CRYZL1: variants seen among roughly 807,000 people sequenced by gnomAD.
The protein encoded by CRYZL1 is ferry endosomal RAB5 effector complex subunit 4.
Under a neutral mutation model 50.6 loss-of-function variants are expected in CRYZL1, and 34 were observed. That is an observed-to-expected ratio of 0.67 (90% CI 0.51 to 0.89). The LOEUF is 0.89. Among genes scored for constraint, CRYZL1 ranks in the 40% least tolerant of loss-of-function variants. The probability of loss-of-function intolerance (pLI) is 0.00; values close to 1 mark genes in which losing one functional copy is unlikely to be tolerated. For synonymous variants in CRYZL1, 125 were observed against 134.3 expected (o/e 0.93, Z 0.48); for missense variants, 354 against 402.3 (o/e 0.88, Z 1.03).
intron 4 of CRYZL1, among the ~76,000 whole-genome samples, chr21:33,620,882 G>A (rs193257687): frequency 5.7e-4 from 84 of 147,338 alleles, no homozygotes; most frequent in Non-Finnish European, 1.1e-3. Context: ...TCGTGTACCC[G>A]TAGACCAGGG....
At chr21:33,590,097 A>G (rs1367264894) in intron 12 of CRYZL1, among the ~76,000 whole-genome samples, 176 bp from the exon 13 acceptor site, 2 of 152,218 alleles carry the variant, frequency 1.3e-5, no homozygotes, top group Non-Finnish European at 2.9e-5. Context: ...AGCTCACTGC[A>G]ACCTCCGGCT....
chr21:33,609,459 C>G (rs2086847393), intron 6 of CRYZL1, among the ~76,000 whole-genome samples: 1 of 152,000 alleles, frequency 6.6e-6, no homozygotes, highest in Non-Finnish European at 1.5e-5. Flanking sequence ...ACCACCATAT[C>G]TAGTTATTAT....
chr21:33,631,097 A>G (rs1057017719), intron 2 of CRYZL1, among the ~76,000 whole-genome samples: 3 of 152,228 alleles, frequency 2.0e-5, no homozygotes, highest in Admixed American at 1.3e-4. Context: ...CAAGGTGACT[A>G]TAGTTAACAA....
intron 6 of CRYZL1, among the ~76,000 whole-genome samples, chr21:33,605,515 C>T (rs974288016): frequency 1.3e-3 from 56 of 44,338 alleles, no homozygotes; most frequent in South Asian, 0.011. Flanking sequence ...GTAATTTTTC[C>T]GCAGTACAAG....
Position 33,615,922 on chromosome 21 carries a change from C to G in CRYZL1, c.262+784G>C, listed in dbSNP as rs144504585. Reference sequence around the variant, plus strand: ...TCTTTTTATCTATAAAACTGTTCTACAGCTAAATATATATATTTTTTATTA... The same window carrying G: ...TCTTTTTATCTATAAAACTGTTCTAGAGCTAAATATATATATTTTTTATTA... On this transcript the variant is annotated intron_variant, in intron 5 of 12. Coordinates refer to ENST00000381554, the MANE Select transcript of CRYZL1 (RefSeq NM_145858.3). Among the ~76,000 whole-genome samples the G allele has an allele frequency of 1.1e-3, 174 of 152,282 alleles. 4 individuals are homozygous for G. The highest frequency in any genetic ancestry group is 3.1e-4 in the Non-Finnish European group (21 of 68,020).
intron 6 of CRYZL1, among the ~76,000 whole-genome samples, chr21:33,612,618 C>A (rs994751410): frequency 1.1e-4 from 16 of 152,114 alleles, no homozygotes; most frequent in African/African-American, 3.6e-4. Flanking sequence ...TTTTGTCAGT[C>A]TGGTGGATGC....
At chr21:33,612,828 T>C (rs2086887879) in intron 6 of CRYZL1, among the ~76,000 whole-genome samples, 1 of 152,032 alleles carries the variant, frequency 6.6e-6, no homozygotes, top group Admixed American at 6.6e-5. Flanking sequence ...AAACCAAAGA[T>C]AAGTGCTCTT....
intron 11 of CRYZL1, chr21:33,591,609 C>T: frequency 5.0e-6 from 1 of 201,382 alleles, no homozygotes; most frequent in Admixed American, 5.3e-5. Context: ...GTTGACCAGG[C>T]TGGTTGGTTA....
At chr21:33,596,197 A>G (rs2834240) in intron 10 of CRYZL1, 56,921 of 488,708 alleles carry the variant, frequency 0.12, 3,927 homozygotes, top group Admixed American at 0.17. Context: ...TGTAACTAGA[A>G]TGCTGAAAAA....
intron 4 of CRYZL1, 188 bp from the exon 5 acceptor site, chr21:33,616,938 A>G (rs1189846030): frequency 2.9e-5 from 12 of 408,638 alleles, no homozygotes; most frequent in Non-Finnish European, 4.3e-5. Context: ...AGCACTTCAA[A>G]TCTGGATTCT....
intron 8 of CRYZL1, among the ~76,000 whole-genome samples, chr21:33,599,806 AT>A (rs572878590): frequency 2.0e-5 from 3 of 150,648 alleles, no homozygotes; most frequent in Non-Finnish European, 3.0e-5. Flanking sequence ...TATTTTTTTA[AT>A]TTTTTTTTGT....
At chr21:33,594,108 A>G (rs560256427) in intron 11 of CRYZL1, among the ~76,000 whole-genome samples, 24 of 150,812 alleles carry the variant, frequency 1.6e-4, no homozygotes, top group African/African-American at 5.8e-4. Flanking sequence ...CTGTAGCATC[A>G]TTCCATGTTA....
intron 6 of CRYZL1, among the ~76,000 whole-genome samples, chr21:33,604,018 C>T (rs528450387): frequency 7.3e-5 from 11 of 151,362 alleles, no homozygotes; most frequent in African/African-American, 1.2e-4. Flanking sequence ...TTTGGGAGGC[C>T]GAGGCAGGCA....
At chr21:33,618,303 A>AG (rs1488710086) in intron 4 of CRYZL1, among the ~76,000 whole-genome samples, 1 of 151,566 alleles carries the variant, frequency 6.6e-6, no homozygotes, top group African/African-American at 2.4e-5. Flanking sequence ...AAAAAAAAAA[A>AG]AAAAAGAAAT....
At position 33,613,592 on chromosome 21, in the gene CRYZL1, C is replaced by G; in HGVS notation, c.277G>C (p.Asp93His). The G allele has an allele frequency of 1.2e-6, 2 of 1,612,426 alleles. No individual in the cohort carries two copies. The highest frequency in any genetic ancestry group is 1.7e-6 in the Non-Finnish European group (2 of 1,178,602). ...TCACAAAGTCCAGGGTCTTCAGAGT[C>G]CAGGGGCAAAATTCCTAAAAATCAA... ...DDEVVGILPL[D>H]SEDPGLCEVV... Residue 93 changes from aspartate (D) to histidine (H), a missense_variant, in exon 6 of 13, where the codon GAC becomes CAC. By Grantham distance (81) the Asp-to-His change is moderately conservative (BLOSUM62 -1). Transcript: ENST00000381554.
intron 6 of CRYZL1, among the ~76,000 whole-genome samples, chr21:33,609,921 G>A (rs913141391): frequency 6.7e-6 from 1 of 150,098 alleles, no homozygotes; most frequent in Admixed American, 6.7e-5. Flanking sequence ...AGCCAGGATG[G>A]TCTCGATCTC....
chr21:33,616,673 T>A, intron 5 of CRYZL1, 33 bp downstream of exon 5: 1 of 1,607,704 alleles, frequency 6.2e-7, no homozygotes, highest in South Asian at 1.1e-5. Flanking sequence ...GTAAAATAGA[T>A]GACTTGAAAT....
At chr21:33,609,716 A>ATTTT (rs2086849641) in intron 6 of CRYZL1, among the ~76,000 whole-genome samples, 1 of 151,118 alleles carries the variant, frequency 6.6e-6, no homozygotes, top group African/African-American at 2.4e-5. Flanking sequence ...TTCTTTTCAG[A>ATTTT]CAGAGTCTCG....
chr21:33,627,237 A>G (rs2087077437), intron 2 of CRYZL1, among the ~76,000 whole-genome samples: 1 of 152,068 alleles, frequency 6.6e-6, no homozygotes, highest in Admixed American at 6.6e-5. Flanking sequence ...TGTAGCCTTG[A>G]CCTACACAGG....
Sources: gnomAD v4.1 joint callset for allele counts (sites outside exome capture counted in the v4.1 genomes callset) on GRCh38, gnomAD v4.1.1 for gene constraint, MANE v1.5 for transcripts, NCBI Gene and HGNC (gene_info 2026-07-23, HGNC 2026-07-21) for gene names.